PIK3CD: variants seen among roughly 807,000 people sequenced by gnomAD.
PIK3CD encodes phosphatidylinositol-4,5-bisphosphate 3-kinase catalytic subunit delta.
In PIK3CD, 20 loss-of-function variants were observed where a neutral mutation model predicts 122.9. The ratio of observed to expected loss-of-function variants is 0.16; its 90% CI spans 0.11 to 0.24. The LOEUF is 0.24. Ranked by LOEUF, PIK3CD falls within the 10% of genes least tolerant of loss-of-function variation. The probability of loss-of-function intolerance (pLI) is 1.00; values close to 1 mark genes in which losing one functional copy is unlikely to be tolerated. For missense variants in PIK3CD, 787 were observed against 1,406.3 expected (o/e 0.56, Z 7.04); for synonymous variants, 596 against 593.4 (o/e 1.00, Z -0.06).
rs377699493 is a variant in PIK3CD, at chr1:9,724,946, G to A, written c.2997+10G>A. The A allele has an allele frequency of 9.0e-5, 146 of 1,613,338 alleles. No individual in the cohort carries two copies. Among genetic ancestry groups the A allele is most frequent in the Middle Eastern group, 1.6e-4 (1 of 6,084 alleles). ...CATCCAGTATCTCAAGGTATGTGCC[G>A]GGCAGGAGACTGCTGTCGCCAGTGG... is the stretch of plus-strand genomic sequence containing the variant. On this transcript the variant is annotated intron_variant, in intron 23 of 23. Coordinates refer to ENST00000377346, the MANE Select transcript of PIK3CD (RefSeq NM_005026.5). The surrounding 1 kb of genome is among the most constrained non-coding windows in gnomAD (Gnocchi z 7.3).
the PIK3CD span, among the ~76,000 whole-genome samples, chr1:9,634,156 T>G: frequency 2.7e-5 from 4 of 147,950 alleles, no homozygotes; most frequent in African/African-American, 7.5e-5. Flanking sequence ...GTTGTTTTTT[T>G]TTTTTTTTTT....
Position 9,727,748 on chromosome 1 carries a change from C to T in PIK3CD, c.*702C>T, listed in dbSNP as rs1345576590. 6.7e-5 allele frequency: 14 copies of T among 208,828 alleles called. No individual in the cohort carries two copies. Among genetic ancestry groups the T allele is most frequent in the Non-Finnish European group, 1.4e-4 (14 of 102,712 alleles). The allele number at this position is 208,828 out of a possible 1,614,324, so 12.9% of individuals were successfully genotyped here. ...GATCTGGGCCTCATGTAGCTCACCCCGGTCACGCATGAAGGCAAAAGCAGG... is the reference window on the plus strand; with the variant it reads ...GATCTGGGCCTCATGTAGCTCACCCTGGTCACGCATGAAGGCAAAAGCAGG... On this transcript the variant is annotated 3_prime_UTR_variant, in exon 24 of 24. Transcript: ENST00000377346.
At chr1:9,726,244 C>G (rs1649558288) in intron 23 of PIK3CD, among the ~76,000 whole-genome samples, 1 of 151,882 alleles carries the variant, frequency 6.6e-6, no homozygotes, top group African/African-American at 2.4e-5. Flanking sequence ...CACGATGGCT[C>G]AGGCCTGTAA....
At chr1:9,661,462 C>T (rs1221388240) in intron 1 of PIK3CD, among the ~76,000 whole-genome samples, 1 of 152,172 alleles carries the variant, frequency 6.6e-6, no homozygotes. Context: ...AATCACAGCT[C>T]ACTGCAGCCT....
Position 9,724,199 on chromosome 1 carries a change from G to C in PIK3CD, c.2719-77G>C. ...TCTGTGGCAGGGGTCCCCCAGCCCT[G>C]CTGGCTTCCTGTCTCCCCTGGATTC... On this transcript the variant is annotated intron_variant, in intron 21 of 23. Coordinates refer to ENST00000377346, the MANE Select transcript of PIK3CD (RefSeq NM_005026.5). The surrounding 1 kb of genome is among the most constrained non-coding windows in gnomAD (Gnocchi z 7.3). 1 of 1,612,350 alleles carries C rather than the reference G, an allele frequency of 6.2e-7. No individual in the cohort carries two copies. The highest frequency in any genetic ancestry group is 8.5e-7 in the Non-Finnish European group (1 of 1,179,150).
In PIK3CD at chr1:9,724,749, C is replaced by G; in HGVS notation, c.2865-55C>G. 1 of 1,610,782 alleles carries G rather than the reference C, an allele frequency of 6.2e-7. No individual in the cohort carries two copies. The highest frequency in any genetic ancestry group is 8.5e-7 in the Non-Finnish European group (1 of 1,179,092). On this transcript the variant is annotated intron_variant, in intron 22 of 23. Transcript: ENST00000377346. This position sits in a 1 kb window ranked among gnomAD's most constrained non-coding sequence, Gnocchi z 7.3. ...GGCTGGTTGGATGCAGAGCGGCCCT[C>G]TGGCCTGTGGCTGGGAGTTCCCAGA...
chr1:9,664,073 G>A (rs1217689819), intron 1 of PIK3CD, among the ~76,000 whole-genome samples: 2 of 130,232 alleles, frequency 1.5e-5, no homozygotes, highest in Admixed American at 8.5e-5. Flanking sequence ...TTTTTGAGAC[G>A]GAGTCTCACT....
chr1:9,642,944 C>T, the PIK3CD span, among the ~76,000 whole-genome samples: 11 of 150,246 alleles, frequency 7.3e-5, no homozygotes, highest in South Asian at 1.1e-3. Flanking sequence ...AAAAATTAGC[C>T]GGGTGTGGTG....
the PIK3CD span, among the ~76,000 whole-genome samples, chr1:9,637,842 G>A: frequency 2.0e-4 from 31 of 152,214 alleles, no homozygotes; most frequent in African/African-American, 6.5e-4. Context: ...TAGGCTGGGC[G>A]CCATGGCTCC....
Position 9,720,344 on chromosome 1 carries a change from C to A in PIK3CD, c.1470+102C>A. ...AGGGTGCTCCCTGGCCACGTCGGGG[C>A]TGGGCTACCAGGCATATCTGGGGCC... is the stretch of plus-strand genomic sequence containing the variant. On this transcript the variant is annotated intron_variant, in intron 11 of 23. Coordinates refer to ENST00000377346, the MANE Select transcript of PIK3CD (RefSeq NM_005026.5). This position sits in a 1 kb window ranked among gnomAD's most constrained non-coding sequence, Gnocchi z 9.0. 1 of 1,448,118 alleles carries A rather than the reference C, an allele frequency of 6.9e-7. No homozygotes were observed. Among genetic ancestry groups the A allele is most frequent in the Admixed American group, 2.3e-5 (1 of 43,466 alleles). The allele number at this position is 1,448,118 out of a possible 1,614,324, so 89.7% of individuals were successfully genotyped here.
the PIK3CD span, among the ~76,000 whole-genome samples, chr1:9,636,301 C>A: frequency 6.6e-6 from 1 of 152,200 alleles, no homozygotes; most frequent in African/African-American, 2.4e-5. Flanking sequence ...TTAAGCAATT[C>A]TCATGCCTCA....
At chr1:9,663,035 T>A (rs1188371290) in intron 1 of PIK3CD, among the ~76,000 whole-genome samples, 1 of 152,182 alleles carries the variant, frequency 6.6e-6, no homozygotes, top group Non-Finnish European at 1.5e-5. Flanking sequence ...AGGCTGTCTC[T>A]CTGTCCAGCC....
the PIK3CD span, among the ~76,000 whole-genome samples, chr1:9,636,845 G>GTT: frequency 2.6e-5 from 4 of 152,066 alleles, no homozygotes; most frequent in African/African-American, 9.7e-5. Context: ...CACCTATCAA[G>GTT]TTGGTGATCT....
intron 1 of PIK3CD, among the ~76,000 whole-genome samples, chr1:9,677,973 C>T (rs1006509245): frequency 1.3e-5 from 2 of 151,848 alleles, no homozygotes; most frequent in Non-Finnish European, 2.9e-5. Context: ...GGTGAAACCC[C>T]GTCTGTACTA....
chr1:9,646,410 G>C, the PIK3CD span, among the ~76,000 whole-genome samples: 1 of 152,210 alleles, frequency 6.6e-6, no homozygotes, highest in Non-Finnish European at 1.5e-5. Flanking sequence ...TCAATGAAAG[G>C]TGACCCGAAG....
Position 9,652,832 on chromosome 1 carries a change from C to G in PIK3CD, c.-138+1030C>G, listed in dbSNP as rs1644720411. 6.6e-6 allele frequency: 1 copy of G among 150,762 alleles called. No individual in the cohort carries two copies. The highest frequency in any genetic ancestry group is 2.1e-4 in the South Asian group (1 of 4,778). The allele number at this position is 150,762 out of a possible 1,614,324, so 9.3% of individuals were successfully genotyped here. ...GGGGCGAGGGTGAAGCAGGTAGGGGCGAGATTTCCGGGGTCGCGGGTGGGG... is the reference window on the plus strand; with the variant it reads ...GGGGCGAGGGTGAAGCAGGTAGGGGGGAGATTTCCGGGGTCGCGGGTGGGG... On this transcript the variant is annotated intron_variant, in intron 1 of 23. Coordinates refer to ENST00000377346, the MANE Select transcript of PIK3CD (RefSeq NM_005026.5). This position sits in a 1 kb window ranked among gnomAD's most constrained non-coding sequence, Gnocchi z 6.2.
intron 1 of PIK3CD, chr1:9,672,854 G>A (rs1042329428): frequency 1.3e-5 from 2 of 151,856 alleles, no homozygotes; most frequent in Non-Finnish European, 2.9e-5. Flanking sequence ...ATTTTTTTCC[G>A]TGGCTAGCCG....
chr1:9,706,435 G>GTCA (rs1646836720), intron 2 of PIK3CD, among the ~76,000 whole-genome samples: 1 of 152,018 alleles, frequency 6.6e-6, no homozygotes, highest in African/African-American at 2.4e-5. Context: ...GGAGGGTGCA[G>GTCA]TGAGCTATGA....
chr1:9,667,739 C>CTTT (rs367559680), intron 1 of PIK3CD, among the ~76,000 whole-genome samples: 1 of 136,954 alleles, frequency 7.3e-6, no homozygotes, highest in African/African-American at 2.7e-5. Flanking sequence ...TTTTCTTTTT[C>CTTT]TTTTTTTTTT....
Sources: allele counts gnomAD v4.1 joint callset (sites outside exome capture counted in the v4.1 genomes callset), GRCh38; gene constraint gnomAD v4.1.1; non-coding constraint Gnocchi (gnomAD v3.1); transcripts MANE v1.5; gene names NCBI Gene and HGNC (gene_info 2026-07-23, HGNC 2026-07-21).